IL13RA1: variants seen among roughly 807,000 people sequenced by gnomAD.
IL13RA1 encodes the protein interleukin 13 receptor subunit alpha 1.
Under a neutral mutation model 33.8 loss-of-function variants are expected in IL13RA1, and 14 were observed. The observed-to-expected ratio is 0.41, with a 90% CI of 0.27 to 0.65. IL13RA1 has a LOEUF of 0.65. IL13RA1 is among the 30% of genes least tolerant of loss of function. The probability of loss-of-function intolerance (pLI) is 0.28; values close to 1 mark genes in which losing one functional copy is unlikely to be tolerated. For synonymous variants in IL13RA1, 116 were observed against 115.7 expected, an observed-to-expected ratio of 1.00 and a Z score of -0.02; for missense variants, 313 against 327.0, an observed-to-expected ratio of 0.96 and a Z score of 0.33.
the IL13RA1 span, among the ~76,000 whole-genome samples, chrX:118,802,152 A>G: frequency 9.0e-6 from 1 of 111,170 alleles, no homozygotes; most frequent in Non-Finnish European, 1.9e-5. Context: ...ATGCAGCCCC[A>G]AATAAGGCTG....
At chrX:118,759,041 TTAGAAAAGGCA>T (rs2017563873) in intron 5 of IL13RA1, 1 of 112,005 alleles carries the variant, frequency 8.9e-6, no homozygotes, top group Non-Finnish European at 1.9e-5. Context: ...AATCTGTCTC[TTAGAAAAGGCA>T]TAGACTTAAG....
chrX:118,789,624 C>A (rs2017956326), intron 10 of IL13RA1, among the ~76,000 whole-genome samples: 1 of 111,447 alleles, frequency 9.0e-6, no homozygotes, highest in African/African-American at 3.2e-5. Flanking sequence ...AACCCTCTGG[C>A]TTCTTATCCA....
At chrX:118,731,568 C>T (rs1412794835) in intron 1 of IL13RA1, among the ~76,000 whole-genome samples, 3 of 94,658 alleles carry the variant, frequency 3.2e-5, no homozygotes, top group Non-Finnish European at 6.3e-5. Context: ...CAGAGCGAGA[C>T]TCCGTCTCCA....
chrX:118,799,394 C>A (rs1206964515), downstream of IL13RA1, among the ~76,000 whole-genome samples: 1 of 113,378 alleles, frequency 8.8e-6, no homozygotes, highest in Non-Finnish European at 1.9e-5. Context: ...TGTGCGGGAT[C>A]CACGAGGTGA....
At chrX:118,786,497 A>T (rs1050442309) in intron 10 of IL13RA1, among the ~76,000 whole-genome samples, 1 of 112,109 alleles carries the variant, frequency 8.9e-6, no homozygotes, top group Non-Finnish European at 1.9e-5. Flanking sequence ...GGCCTCCCAA[A>T]GTGCTGGGAT....
At position 118,727,645 on chromosome X, in the gene IL13RA1, T is replaced by A. The variant is rs2017167560; in HGVS notation, c.7T>A (p.Trp3Arg). The A allele has an allele frequency of 3.5e-6, 3 of 854,205 alleles. No homozygotes were observed. The highest frequency in any genetic ancestry group is 2.8e-6 in the Non-Finnish European group (2 of 702,423). The allele number at this position is 854,205 out of a possible 1,213,427, so 70.4% of individuals were successfully genotyped here. Reference protein sequence around the residue: MEWPARLCGLWAL... With the variant: MERPARLCGLWAL... Reference sequence around the variant, plus strand: ...CTCCGAGGCGAGAGGCTGCATGGAGTGGCCGGCGCGGCTCTGCGGGCTGTG... The same window carrying A: ...CTCCGAGGCGAGAGGCTGCATGGAGAGGCCGGCGCGGCTCTGCGGGCTGTG... The change falls in exon 1 of 11, where the codon TGG becomes AGG. Residue 3 changes from tryptophan to arginine, a missense_variant. Physicochemically the swap from Trp to Arg is moderately radical, Grantham distance 101. Coordinates refer to ENST00000371666, the MANE Select transcript of IL13RA1 (RefSeq NM_001560.3).
the IL13RA1 span, among the ~76,000 whole-genome samples, chrX:118,800,240 A>G: frequency 9.0e-6 from 1 of 110,773 alleles, no homozygotes; most frequent in Non-Finnish European, 1.9e-5. Context: ...AAGAGAATAA[A>G]AGCAGGCTGC....
intron 10 of IL13RA1, among the ~76,000 whole-genome samples, chrX:118,783,884 A>T (rs1287874698): frequency 9.8e-6 from 1 of 101,982 alleles, no homozygotes; most frequent in African/African-American, 3.6e-5. Context: ...TTCGAGACCA[A>T]CCTGGCCAAC....
At chrX:118,747,357 G>GCACACACACACTCA (rs1357437443) in intron 3 of IL13RA1, among the ~76,000 whole-genome samples, 1 of 108,402 alleles carries the variant, frequency 9.2e-6, no homozygotes, top group African/African-American at 3.4e-5. Context: ...GCACGCGCGC[G>GCACACACACACTCA]CACACACACA....
rs748289628 is a variant in IL13RA1, at chrX:118,760,990, G to T, written c.677-148G>T. On this transcript the variant is annotated intron_variant, in intron 5 of 10. Transcript: ENST00000371666. ...GAAGAAAAAACTCTGTACATGTTCA[G>T]CACAGATGCTATTTTTTAAAAAATA... 1.4e-3 allele frequency: 533 copies of T among 367,890 alleles called. No homozygotes were observed. The highest frequency in any genetic ancestry group is 2.2e-3 in the Non-Finnish European group (466 of 209,919). The allele number at this position is 367,890 out of a possible 1,213,427, so 30.3% of individuals were successfully genotyped here.
intron 5 of IL13RA1, chrX:118,758,746 G>C (rs2017560307): frequency 9.0e-6 from 1 of 111,486 alleles, no homozygotes; most frequent in East Asian, 2.8e-4. Context: ...GCTAGCTCAG[G>C]TCTCTCTTCC....
At chrX:118,749,542 T>C (rs1339405736) in intron 3 of IL13RA1, 116 bp from the exon 4 acceptor site, 28 of 716,466 alleles carry the variant, frequency 3.9e-5, no homozygotes, top group Non-Finnish European at 4.3e-5. Flanking sequence ...AGATGAAGCA[T>C]TTGCTTTCTG....
chrX:118,767,053 G>A, intron 8 of IL13RA1, 77 bp downstream of exon 8: 1 of 521,301 alleles, frequency 1.9e-6, no homozygotes, highest in Non-Finnish European at 3.1e-6. Flanking sequence ...ATAGACTGGG[G>A]AAAGGGACTG....
At chrX:118,767,053 G>T in intron 8 of IL13RA1, 77 bp downstream of exon 8, 1 of 521,305 alleles carries the variant, frequency 1.9e-6, no homozygotes, top group South Asian at 4.2e-5. Context: ...ATAGACTGGG[G>T]AAAGGGACTG....
intron 2 of IL13RA1, among the ~76,000 whole-genome samples, chrX:118,741,793 A>G (rs1000159472): frequency 3.6e-5 from 4 of 110,808 alleles, no homozygotes; most frequent in African/African-American, 1.3e-4. Flanking sequence ...TTCGGTGTGT[A>G]TGTGTTTGTT....
Position 118,764,409 on chromosome X carries a change from C to T in IL13RA1, c.829-2121C>T, listed in dbSNP as rs893857685. Among the ~76,000 whole-genome samples the T allele has an allele frequency of 1.8e-5, 2 of 109,837 alleles. 1 individual carries two copies. The highest frequency in any genetic ancestry group is 2.0e-4 in the Admixed American group (2 of 10,248). On this transcript the variant is annotated intron_variant, in intron 6 of 10. Coordinates refer to ENST00000371666, the MANE Select transcript of IL13RA1 (RefSeq NM_001560.3). Reference sequence around the variant, plus strand: ...AACTTGATCCCTCACTGGTAGTTGACGCTTGTGATTCCCCAACAGGTCTAC... The same window carrying T: ...AACTTGATCCCTCACTGGTAGTTGATGCTTGTGATTCCCCAACAGGTCTAC...
At chrX:118,746,841 T>C in intron 2 of IL13RA1, 113 bp from the exon 3 acceptor site, 3 of 533,645 alleles carry the variant, frequency 5.6e-6, no homozygotes, top group South Asian at 3.2e-5. Context: ...CACTGATCTA[T>C]ACCATTTGAT....
intron 1 of IL13RA1, among the ~76,000 whole-genome samples, chrX:118,740,484 G>A (rs116393962): frequency 4.5e-4 from 50 of 112,218 alleles, no homozygotes; most frequent in African/African-American, 1.6e-3. Context: ...TGCTTCAGTT[G>A]CCTCATCTTT....
At chrX:118,738,646 G>A (rs1172064765) in intron 1 of IL13RA1, among the ~76,000 whole-genome samples, 5 of 111,200 alleles carry the variant, frequency 4.5e-5, no homozygotes, top group African/African-American at 1.3e-4. Flanking sequence ...GGTTAGTTCC[G>A]TGTCCTTGCT....
Sources: gnomAD v4.1 joint callset for allele counts (sites outside exome capture counted in the v4.1 genomes callset) on GRCh38, gnomAD v4.1.1 for gene constraint, MANE v1.5 for transcripts, NCBI Gene and HGNC (gene_info 2026-07-23, HGNC 2026-07-21) for gene names.